AAMDC: variants seen among roughly 807,000 people sequenced by gnomAD.
AAMDC encodes adipogenesis associated Mth938 domain containing, also known as mth938 domain-containing protein.
A neutral mutation model predicts 15.5 loss-of-function variants in AAMDC; 16 were observed. That is an observed-to-expected ratio of 1.03 (90% CI 0.70 to 1.57). The LOEUF is 1.57. Among genes scored for constraint, AAMDC ranks in the 40% most tolerant of loss-of-function variants. The probability of loss-of-function intolerance (pLI) is 0.00; values close to 1 mark genes in which losing one functional copy is unlikely to be tolerated. For missense variants in AAMDC, 141 were observed against 144.9 expected (o/e 0.97, Z 0.14); for synonymous variants, 51 against 51.6 (o/e 0.99, Z 0.05).
chr11:77,822,987 G>A (rs1002851260), intron 1 of AAMDC, among the ~76,000 whole-genome samples: 2 of 152,084 alleles, frequency 1.3e-5, no homozygotes, highest in African/African-American at 2.4e-5. Flanking sequence ...AGGTCGAGAC[G>A]GGCGGGTCAC....
chr11:77,888,331 C>G (rs1401982333), intron 5 of AAMDC, among the ~76,000 whole-genome samples: 1 of 152,140 alleles, frequency 6.6e-6, no homozygotes, highest in Non-Finnish European at 1.5e-5. Flanking sequence ...GGAAAGGATT[C>G]CCTATTTAAT....
At chr11:77,848,313 T>G (rs1171287203) in intron 2 of AAMDC, among the ~76,000 whole-genome samples, 1 of 152,186 alleles carries the variant, frequency 6.6e-6, no homozygotes, top group African/African-American at 2.4e-5. Context: ...TGCTGTATAT[T>G]TCTATTTTTC....
chr11:77,844,948 T>TTC (rs778540595), intron 2 of AAMDC, among the ~76,000 whole-genome samples: 21 of 152,188 alleles, frequency 1.4e-4, no homozygotes, highest in Non-Finnish European at 2.8e-4. Flanking sequence ...ACCTTTTGGC[T>TTC]TCATTGGTTT....
At chr11:77,843,026 A>G (rs1202261515) in intron 2 of AAMDC, among the ~76,000 whole-genome samples, 1 of 152,180 alleles carries the variant, frequency 6.6e-6, no homozygotes, top group Non-Finnish European at 1.5e-5. Context: ...TCATTCAGAT[A>G]TCTTAGGTGT....
At chr11:77,865,740 C>T (rs747330529) in intron 2 of AAMDC, among the ~76,000 whole-genome samples, 54 of 152,298 alleles carry the variant, frequency 3.5e-4, no homozygotes, top group Non-Finnish European at 7.3e-4. Context: ...AATAAAGAAG[C>T]ACATATAATA....
At chr11:77,871,701 C>T (rs139251806) in intron 3 of AAMDC, among the ~76,000 whole-genome samples, 6 of 152,192 alleles carry the variant, frequency 3.9e-5, no homozygotes, top group South Asian at 2.1e-4. Context: ...AGCTAGCATG[C>T]GGCAAAGAAG....
At chr11:77,899,474 C>G (rs1473718403) in intron 5 of AAMDC, among the ~76,000 whole-genome samples, 2 of 151,948 alleles carry the variant, frequency 1.3e-5, no homozygotes, top group Non-Finnish European at 2.9e-5. Flanking sequence ...GAGTTCGAGA[C>G]CAGCCTGGCT....
Position 77,852,224 on chromosome 11 carries a change from C to CAAAAAAAAAAAAAAAAAA in AAMDC, c.132+9613_132+9614insAAAAAAAAAAAAAAAAAA, listed in dbSNP as rs545742213. Among the ~76,000 whole-genome samples, 186 of 33,396 alleles carry CAAAAAAAAAAAAAAAAAA rather than the reference C, an allele frequency of 5.6e-3. 11 individuals carry two copies. The highest frequency in any genetic ancestry group is 0.013 in the Middle Eastern group (1 of 80). 21.9% of individuals were successfully genotyped at this position (33,396 alleles called of 152,430 possible). ...TGGCCAACAGAATGAGACACTGTCT[C>CAAAAAAAAAAAAAAAAAA]AAAAAAAAAAAAAAAAAGAAGAAGA... is the stretch of plus-strand genomic sequence containing the variant. On this transcript the variant is annotated intron_variant, in intron 2 of 3. Transcript: ENST00000393427.
rs1413489837 is a variant in AAMDC at position 77,832,969 on chromosome 11, G to A, written c.-18-9510G>A. On this transcript the variant is annotated intron_variant, in intron 1 of 3. Coordinates refer to ENST00000393427, the MANE Select transcript of AAMDC (RefSeq NM_024684.4). ...TATATATATGTGTGTGTGTGTGTGT[G>A]TGTGTGTGTGTGTGTGTGTGTGTGT... Among the ~76,000 whole-genome samples the A allele has an allele frequency of 6.6e-4, 40 of 60,650 alleles. 2 individuals carry two copies. The highest frequency in any genetic ancestry group is 1.8e-3 in the African/African-American group (20 of 11,270). 39.8% of individuals were successfully genotyped at this position (60,650 alleles called of 152,430 possible).
chr11:77,877,766 AGAG>A (rs1317816725), intron 5 of AAMDC, among the ~76,000 whole-genome samples: 4 of 151,726 alleles, frequency 2.6e-5, no homozygotes, highest in Non-Finnish European at 5.9e-5. Context: ...TTTTTTAAAC[AGAG>A]ATGGGGTCTC....
intron 2 of AAMDC, among the ~76,000 whole-genome samples, chr11:77,850,093 T>G (rs1042301238): frequency 2.0e-5 from 3 of 152,238 alleles, no homozygotes; most frequent in African/African-American, 7.2e-5. Context: ...ATTATAAATG[T>G]CATTAAACAA....
intron 5 of AAMDC, among the ~76,000 whole-genome samples, chr11:77,880,432 C>A (rs1249798158): frequency 6.6e-6 from 1 of 152,156 alleles, no homozygotes; most frequent in Non-Finnish European, 1.5e-5. Flanking sequence ...TCATCAAGTA[C>A]CAGCCATGTG....
intron 1 of AAMDC, among the ~76,000 whole-genome samples, chr11:77,826,251 A>G (rs1334438973): frequency 2.6e-5 from 4 of 151,818 alleles, no homozygotes; most frequent in Middle Eastern, 6.8e-3. Context: ...AGTCCCAGCT[A>G]CTCGGGAGGC....
At chr11:77,823,587 A>C (rs1192953160) in intron 1 of AAMDC, among the ~76,000 whole-genome samples, 1 of 134,804 alleles carries the variant, frequency 7.4e-6, no homozygotes, top group Non-Finnish European at 1.5e-5. Flanking sequence ...TTGCCACTGC[A>C]CTCCAGCCTG....
chr11:77,888,367 T>C (rs371137190), intron 5 of AAMDC, among the ~76,000 whole-genome samples: 3 of 152,052 alleles, frequency 2.0e-5, no homozygotes, highest in Non-Finnish European at 2.9e-5. Context: ...AACTGGCTAG[T>C]CATATGTAGA....
rs73499828 is a variant in AAMDC at position 77,883,333 on chromosome 11, A to T, written c.328+6284A>T. ...AGCAGGCTTACAGGCTTGAAATGTA[A>T]TCTCCTTTGTACTTGTATTCTCCCA... On this transcript the variant is annotated intron_variant, in intron 5 of 5. Coordinates refer to the AAMDC transcript ENST00000304716. Among the ~76,000 whole-genome samples the T allele has an allele frequency of 4.8e-3, 728 of 152,268 alleles. 5 individuals carry two copies. The highest frequency in any genetic ancestry group is 0.017 in the African/African-American group (695 of 41,542).
intron 5 of AAMDC, among the ~76,000 whole-genome samples, chr11:77,884,323 G>A (rs746766888): frequency 2.5e-4 from 38 of 152,186 alleles, no homozygotes; most frequent in Admixed American, 5.9e-4. Flanking sequence ...CCAACCACCA[G>A]TATTTGGAGT....
intron 1 of AAMDC, among the ~76,000 whole-genome samples, chr11:77,832,588 A>C (rs1949484311): frequency 6.6e-6 from 1 of 151,946 alleles, no homozygotes; most frequent in African/African-American, 2.4e-5. Flanking sequence ...AGCCTCCCAA[A>C]GTACTGGGAT....
At chr11:77,872,374 A>C (rs897026762), downstream of AAMDC, 21 of 1,542,790 alleles carry the variant, frequency 1.4e-5, no homozygotes, top group Admixed American at 5.9e-5. Flanking sequence ...GTCACTCACC[A>C]TTCTCCAAAC....
Sources: allele counts gnomAD v4.1 joint callset (sites outside exome capture counted in the v4.1 genomes callset), GRCh38; gene constraint gnomAD v4.1.1; transcripts MANE v1.5; gene names NCBI Gene and HGNC (gene_info 2026-07-23, HGNC 2026-07-21).